MAPK4: variants seen among roughly 807,000 people sequenced by gnomAD.
The protein encoded by MAPK4 is Erk3-related.
In MAPK4, 22 loss-of-function variants were observed where a neutral mutation model predicts 47.7. That is an observed-to-expected ratio of 0.46 (90% CI 0.33 to 0.66). MAPK4 has a LOEUF of 0.66. MAPK4 is among the 30% of genes least tolerant of loss of function. The pLI, the probability that MAPK4 is intolerant of heterozygous loss-of-function variation, is 0.02. For missense variants in MAPK4, 736 were observed against 831.7 expected, an observed-to-expected ratio of 0.88 and a Z score of 1.42; for synonymous variants, 390 against 365.7, an observed-to-expected ratio of 1.07 and a Z score of -0.76.
At chr18:50,636,245 A>G (rs997427542) in intron 1 of MAPK4, among the ~76,000 whole-genome samples, 1 of 152,136 alleles carries the variant, frequency 6.6e-6, no homozygotes, top group African/African-American at 2.4e-5. Context: ...CGTCAGGGTC[A>G]CTTCCTTGTA....
At chr18:50,583,390 C>G (rs2042363180) in intron 1 of MAPK4, among the ~76,000 whole-genome samples, 3 of 152,140 alleles carry the variant, frequency 2.0e-5, no homozygotes, top group Admixed American at 2.0e-4. Context: ...GAGTTTGAGA[C>G]CAGCCTGGGC....
intron 2 of MAPK4, among the ~76,000 whole-genome samples, chr18:50,667,960 C>T (rs1467842524): frequency 6.6e-6 from 1 of 152,116 alleles, no homozygotes; most frequent in Non-Finnish European, 1.5e-5. Flanking sequence ...TTAATAAGTC[C>T]GTGCCTCCGG....
chr18:50,709,320 A>T (rs1335896814), intron 2 of MAPK4, among the ~76,000 whole-genome samples: 11 of 152,312 alleles, frequency 7.2e-5, no homozygotes. Context: ...TCCTGAGTCC[A>T]TTAATCCCCT....
At chr18:50,694,318 A>C (rs1166743845) in intron 2 of MAPK4, among the ~76,000 whole-genome samples, 1 of 152,100 alleles carries the variant, frequency 6.6e-6, no homozygotes, top group Non-Finnish European at 1.5e-5. Context: ...ACCCAGGGCC[A>C]TTACTGCCCT....
At chr18:50,592,492 C>G (rs2042445257) in intron 1 of MAPK4, among the ~76,000 whole-genome samples, 1 of 145,224 alleles carries the variant, frequency 6.9e-6, no homozygotes, top group Non-Finnish European at 1.5e-5. Flanking sequence ...CCAGCAGAAG[C>G]AGCCAACTCA....
At chr18:50,684,689 CAG>C (rs2144326778) in intron 2 of MAPK4, among the ~76,000 whole-genome samples, 1 of 152,270 alleles carries the variant, frequency 6.6e-6, no homozygotes, top group African/African-American at 2.4e-5. Flanking sequence ...CTGCCACCCT[CAG>C]AGAGCAGGCT....
chr18:50,585,036 A>C (rs540128889), intron 1 of MAPK4, among the ~76,000 whole-genome samples: 1 of 152,226 alleles, frequency 6.6e-6, no homozygotes, highest in Non-Finnish European at 1.5e-5. Context: ...TCATTTTCCT[A>C]TGTAAAAAAG....
At chr18:50,658,344 C>T (rs2043133788) in intron 1 of MAPK4, among the ~76,000 whole-genome samples, 1 of 152,208 alleles carries the variant, frequency 6.6e-6, no homozygotes, top group Non-Finnish European at 1.5e-5. Flanking sequence ...CTCGCTGGGG[C>T]TGAGATCATA....
chr18:50,709,536 A>C (rs994237698), intron 2 of MAPK4, among the ~76,000 whole-genome samples: 2 of 152,208 alleles, frequency 1.3e-5, no homozygotes, highest in Non-Finnish European at 2.9e-5. Flanking sequence ...CTTCCGCACT[A>C]GGAGGGGGCA....
intron 1 of MAPK4, among the ~76,000 whole-genome samples, chr18:50,586,290 A>G (rs980381656): frequency 2.0e-5 from 3 of 152,144 alleles, no homozygotes; most frequent in African/African-American, 4.8e-5. Context: ...GAGACCTTCA[A>G]TATTACCAGT....
intron 2 of MAPK4, among the ~76,000 whole-genome samples, chr18:50,681,787 A>G (rs1908601243): frequency 6.6e-6 from 1 of 152,194 alleles, no homozygotes; most frequent in Non-Finnish European, 1.5e-5. Flanking sequence ...TTATTCCAGT[A>G]CTATGCTATC....
chr18:50,682,614 G>A (rs901449251), intron 2 of MAPK4, among the ~76,000 whole-genome samples: 49 of 152,246 alleles, frequency 3.2e-4, no homozygotes, highest in African/African-American at 9.6e-4. Flanking sequence ...TTTATCCCAG[G>A]AATGCAAATT....
At chr18:50,667,538 A>T (rs1907674598) in intron 2 of MAPK4, among the ~76,000 whole-genome samples, 1 of 152,072 alleles carries the variant, frequency 6.6e-6, no homozygotes, top group Non-Finnish European at 1.5e-5. Context: ...CTACACACAA[A>T]CTTCTCGAAA....
At chr18:50,576,992 A>G (rs1313012252) in intron 1 of MAPK4, among the ~76,000 whole-genome samples, 17 of 152,124 alleles carry the variant, frequency 1.1e-4, no homozygotes, top group Non-Finnish European at 2.9e-5. Flanking sequence ...GCTCTCCTGG[A>G]GCTTGGAGCT....
At chr18:50,728,583 G>A (rs1245337222) in intron 5 of MAPK4, among the ~76,000 whole-genome samples, 1 of 152,188 alleles carries the variant, frequency 6.6e-6, no homozygotes, top group Non-Finnish European at 1.5e-5. Context: ...CAGTGAGGCA[G>A]ACATGCTATT....
intron 1 of MAPK4, among the ~76,000 whole-genome samples, chr18:50,635,145 T>G (rs979959034): frequency 2.0e-5 from 3 of 152,086 alleles, no homozygotes; most frequent in Non-Finnish European, 4.4e-5. Flanking sequence ...ACAGAGTGGG[T>G]TTTCAGTTAA....
At chr18:50,634,469 C>G (rs1356901209) in intron 1 of MAPK4, among the ~76,000 whole-genome samples, 6 of 152,186 alleles carry the variant, frequency 3.9e-5, no homozygotes, top group Admixed American at 3.9e-4. Context: ...TCTTACTTCT[C>G]TGAAATCCCT....
chr18:50,721,873 T>C (rs1403719401), intron 3 of MAPK4, 65 bp from the exon 4 acceptor site: 4 of 1,551,838 alleles, frequency 2.6e-6, no homozygotes, highest in Non-Finnish European at 3.5e-6. Flanking sequence ...TGGCACTGCT[T>C]TTGGGCTACT....
chr18:50,621,181 A>G (rs992748916), intron 1 of MAPK4, among the ~76,000 whole-genome samples: 2 of 152,228 alleles, frequency 1.3e-5, no homozygotes, highest in African/African-American at 4.8e-5. Context: ...GTACCAAATC[A>G]TAAATCTTCT....
Sources: allele counts gnomAD v4.1 joint callset (sites outside exome capture counted in the v4.1 genomes callset), GRCh38; gene constraint gnomAD v4.1.1; transcripts MANE v1.5; gene names NCBI Gene and HGNC (gene_info 2026-07-23, HGNC 2026-07-21).